TCEANC: variants seen among roughly 807,000 people sequenced by gnomAD.
The protein encoded by TCEANC is transcription elongation factor A N-terminal and central domain-containing protein.
In TCEANC, 8 loss-of-function variants were observed where a neutral mutation model predicts 8.7. The ratio of observed to expected loss-of-function variants is 0.92; its 90% confidence interval spans 0.54 to 1.65. TCEANC has a LOEUF of 1.65. Ranked by LOEUF, TCEANC falls within the 40% of genes most tolerant of loss-of-function variation. The probability of loss-of-function intolerance (pLI) is 0.00; values close to 1 mark genes in which losing one functional copy is unlikely to be tolerated. For missense variants in TCEANC, 255 were observed against 251.9 expected, an observed-to-expected ratio of 1.01 and a Z score of -0.08; for synonymous variants, 78 against 92.9, an observed-to-expected ratio of 0.84 and a Z score of 0.92.
At position 13,661,011 on chromosome X, in the gene TCEANC, A is replaced by AT. The variant is rs1480834922; in HGVS notation, c.-8-1484dup. Among the ~76,000 whole-genome samples, 1 of 110,621 alleles carries AT rather than the reference A, an allele frequency of 9.0e-6. No homozygotes were observed. The highest frequency in any genetic ancestry group is 1.9e-5 in the Non-Finnish European group (1 of 52,801). On this transcript the variant is annotated intron_variant, in intron 1 of 1. Transcript: ENST00000380600. ...AGGTGCCCGCCACCACACCCGGCTA[A>AT]TTTTTTGTATTTTTAGTAGAGATGG... is the stretch of plus-strand genomic sequence containing the variant.
exon 2 of TCEANC, chrX:13,663,139 A>G: frequency 8.3e-7 from 1 of 1,209,858 alleles, no homozygotes; most frequent in South Asian, 1.8e-5. Flanking sequence ...GCATGTTTTT[A>G]CCCTTTATTC....
rs144331217 is a variant in TCEANC, at chrX:13,659,172, A to G, written c.-8-3329A>G. Among the ~76,000 whole-genome samples the G allele has an allele frequency of 8.0e-3, 897 of 112,517 alleles. 6 individuals are homozygous for G. Among genetic ancestry groups the G allele is most frequent in the African/African-American group, 0.027 (829 of 30,966 alleles). ...CAGTGATAAAGTTTCAAGTTATTCA[A>G]TATACTTGAGCCCTCCCCGACTCGT... On this transcript the variant is annotated intron_variant, in intron 1 of 1. Coordinates refer to ENST00000380600, the Ensembl canonical transcript of TCEANC.
exon 2 of TCEANC, chrX:13,665,171 A>G (rs2046006296): frequency 8.1e-6 from 1 of 123,986 alleles, no homozygotes; most frequent in African/African-American, 3.2e-5. Context: ...TTTAGTCCTT[A>G]ACTTGCAAGG....
At chrX:13,654,739 T>G (rs1813584530), upstream of TCEANC, among the ~76,000 whole-genome samples, 1 of 111,579 alleles carries the variant, frequency 9.0e-6, no homozygotes, top group Non-Finnish European at 1.9e-5. Context: ...TCAGCACCCC[T>G]CACTTCTGGG....
At chrX:13,658,377 TTAAGAA>T (rs1445625077) in intron 1 of TCEANC, among the ~76,000 whole-genome samples, 6 of 112,171 alleles carry the variant, frequency 5.3e-5, no homozygotes, top group Non-Finnish European at 1.1e-4. Flanking sequence ...CAAATTTTAC[TTAAGAA>T]TTACATATGG....
chrX:13,662,937 A>C (rs376911152), exon 2 of TCEANC: 1 of 1,211,699 alleles, frequency 8.3e-7, no homozygotes, highest in African/African-American at 1.7e-5. Context: ...GAGCCATTCA[A>C]TTGAAACCTA....
At chrX:13,663,218 C>T in exon 2 of TCEANC, 1 of 1,205,730 alleles carries the variant, frequency 8.3e-7, no homozygotes, top group Non-Finnish European at 1.1e-6. Flanking sequence ...CCCAGAAATT[C>T]TCATTTACAA....
At chrX:13,663,520 G>C in exon 2 of TCEANC, 2 of 1,167,349 alleles carry the variant, frequency 1.7e-6, no homozygotes, top group South Asian at 2.0e-5. Context: ...AATTTGTAAC[G>C]AATGTGGGGA....
Position 13,663,613 on chromosome X carries a change from T to C in TCEANC, c.*49T>C, listed in dbSNP as rs750266326. ...AGATAACCGGAGTGATACCTTTTATTTGTACAACCCTTTTGTGCTTTTAAA... is the reference window on the plus strand; with the variant it reads ...AGATAACCGGAGTGATACCTTTTATCTGTACAACCCTTTTGTGCTTTTAAA... On this transcript the variant is annotated 3_prime_UTR_variant, in exon 2 of 2. Transcript: ENST00000380600. 5.9e-6 allele frequency: 6 copies of C among 1,017,166 alleles called. No individual in the cohort carries two copies. In the South Asian group the frequency reaches 1.5e-4, roughly 26 times the overall value. 83.8% of individuals were successfully genotyped at this position (1,017,166 alleles called of 1,213,427 possible).
intron 1 of TCEANC, among the ~76,000 whole-genome samples, chrX:13,657,887 G>A (rs1340027379): frequency 9.1e-6 from 1 of 110,372 alleles, no homozygotes; most frequent in Admixed American, 9.6e-5. Context: ...CCAAAAATGG[G>A]AAATAATCAA....
chrX:13,660,138 A>G, intron 1 of TCEANC, among the ~76,000 whole-genome samples: 1 of 112,405 alleles, frequency 8.9e-6, no homozygotes, highest in Non-Finnish European at 1.9e-5. Context: ...CAGAAGAGGA[A>G]AATAACAAAT....
At chrX:13,653,447 G>A (rs145931675), upstream of TCEANC, 1,039 of 111,894 alleles carry the variant, frequency 9.3e-3, 6 homozygotes, top group Middle Eastern at 0.037. Flanking sequence ...TTTGCATGTT[G>A]CTCGACCCCA....
intron 1 of TCEANC, among the ~76,000 whole-genome samples, chrX:13,657,450 G>A (rs2045931780): frequency 8.9e-6 from 1 of 112,230 alleles, no homozygotes; most frequent in South Asian, 3.6e-4. Flanking sequence ...AAAACTATAT[G>A]AAAGATTAAA....
chrX:13,664,774 A>G (rs1400345444), exon 2 of TCEANC: 1 of 123,475 alleles, frequency 8.1e-6, no homozygotes, highest in Non-Finnish European at 1.9e-5. Flanking sequence ...GGCCTTTGCA[A>G]ACAGTGTTTA....
At chrX:13,663,153 G>A (rs1339050547) in exon 2 of TCEANC, 1 of 1,206,774 alleles carries the variant, frequency 8.3e-7, no homozygotes. Context: ...TTTATTCAAA[G>A]AACATCAAAA....
At chrX:13,659,449 A>C (rs1440534387) in intron 1 of TCEANC, among the ~76,000 whole-genome samples, 1 of 111,956 alleles carries the variant, frequency 8.9e-6, no homozygotes, top group Non-Finnish European at 1.9e-5. Context: ...TGAAAGCAGC[A>C]ATTTGTCTTA....
chrX:13,663,596 G>A (rs191199193), exon 2 of TCEANC: 220 of 1,043,567 alleles, frequency 2.1e-4, no homozygotes, highest in Middle Eastern at 2.9e-4. Flanking sequence ...ACAGATAACC[G>A]GAGTGATACC....
At chrX:13,662,549 T>C in exon 2 of TCEANC, 1 of 1,211,592 alleles carries the variant, frequency 8.3e-7, no homozygotes, top group Non-Finnish European at 1.1e-6. Flanking sequence ...GCTTCTCTTA[T>C]TGAGCAACTG....
At chrX:13,661,859 G>C (rs1253065326) in intron 1 of TCEANC, among the ~76,000 whole-genome samples, 1 of 111,971 alleles carries the variant, frequency 8.9e-6, no homozygotes, top group Non-Finnish European at 1.9e-5. Context: ...CCTTTCCCTT[G>C]TTCAGAAGAC....
Sources: allele counts gnomAD v4.1 joint callset (sites outside exome capture counted in the v4.1 genomes callset), GRCh38; gene constraint gnomAD v4.1.1; transcripts MANE v1.5; gene names NCBI Gene and HGNC (gene_info 2026-07-23, HGNC 2026-07-21).